Variants in EDIL3 observed in about 807,000 individuals in gnomAD.
EDIL3 encodes EGF-like repeat and discoidin I-like domain-containing protein 3.
Under a neutral mutation model 67.4 loss-of-function variants are expected in EDIL3, and 37 were observed. That is an observed-to-expected ratio of 0.55 (90% CI 0.42 to 0.72). EDIL3 has a LOEUF of 0.72. Among genes scored for constraint, EDIL3 ranks in the 30% least tolerant of loss-of-function variants. The probability of loss-of-function intolerance (pLI) is 0.00; values close to 1 mark genes in which losing one functional copy is unlikely to be tolerated. For missense variants in EDIL3, 527 were observed against 586.3 expected, an observed-to-expected ratio of 0.90 and a Z score of 1.04; for synonymous variants, 195 against 196.3, an observed-to-expected ratio of 0.99 and a Z score of 0.05.
chr5:84,008,730 T>C (rs1213861107), intron 9 of EDIL3, among the ~76,000 whole-genome samples: 3 of 151,956 alleles, frequency 2.0e-5, no homozygotes, highest in African/African-American at 7.3e-5. Flanking sequence ...GGGAGGAAGG[T>C]TAAAAATAAG....
At chr5:83,981,943 A>C (rs1279092002) in intron 9 of EDIL3, among the ~76,000 whole-genome samples, 1 of 152,116 alleles carries the variant, frequency 6.6e-6, no homozygotes, top group Non-Finnish European at 1.5e-5. Flanking sequence ...TGGCAAAAAA[A>C]CATGAAATAA....
intron 1 of EDIL3, among the ~76,000 whole-genome samples, chr5:84,287,637 A>G (rs1745834158): frequency 6.6e-6 from 1 of 152,136 alleles, no homozygotes; most frequent in African/African-American, 2.4e-5. Flanking sequence ...TTACAAGATC[A>G]CAGGGGGAAA....
In EDIL3 at chr5:84,275,279, A is replaced by G. The variant is rs186697328; in HGVS notation, c.68-21067T>C. On this transcript the variant is annotated intron_variant, in intron 1 of 10. Transcript: ENST00000296591. ...AGTCAAGCCCCATACTATTTCTCCTATCTGCTAAGCCACAAATATGAGAGT... is the reference window on the plus strand; with the variant it reads ...AGTCAAGCCCCATACTATTTCTCCTGTCTGCTAAGCCACAAATATGAGAGT... Among the ~76,000 whole-genome samples, 91 of 152,334 alleles carry G rather than the reference A, an allele frequency of 6.0e-4. 1 individual carries two copies. The highest frequency in any genetic ancestry group is 1.0e-4 in the Non-Finnish European group (7 of 68,030).
At chr5:84,299,413 T>A (rs944758756) in intron 1 of EDIL3, among the ~76,000 whole-genome samples, 14 of 152,160 alleles carry the variant, frequency 9.2e-5, no homozygotes, top group African/African-American at 3.4e-4. Flanking sequence ...AGTATAAAAC[T>A]CTGAAAATGC....
intron 3 of EDIL3, among the ~76,000 whole-genome samples, chr5:84,220,972 T>A (rs1744330570): frequency 6.6e-6 from 1 of 152,152 alleles, no homozygotes; most frequent in African/African-American, 2.4e-5. Flanking sequence ...TGGAAAGGAA[T>A]AACAGAAACC....
intron 3 of EDIL3, among the ~76,000 whole-genome samples, chr5:84,193,921 A>G (rs954357453): frequency 6.6e-6 from 1 of 151,998 alleles, no homozygotes; most frequent in African/African-American, 2.4e-5. Context: ...GTTTTAGGAA[A>G]AACACATTTT....
intron 1 of EDIL3, among the ~76,000 whole-genome samples, chr5:84,266,462 T>G (rs1428141430): frequency 2.6e-5 from 4 of 152,220 alleles, no homozygotes; most frequent in Admixed American, 2.0e-4. Context: ...GGTTGAATTC[T>G]CTACACAGTT....
rs150230117 is a variant in EDIL3 at position 84,016,141 on chromosome 5, G to T, written c.1137+44159C>A. Among the ~76,000 whole-genome samples, 26 of 152,166 alleles carry T rather than the reference G, an allele frequency of 1.7e-4. No homozygotes were observed. In the East Asian group the frequency reaches 3.9e-3, roughly 23 times the overall value. Reference sequence around the variant, plus strand: ...TTCCATTTATAAATGAGAACATGTGGTACTTGGTTTTCTAGGGAACTACAT... The same window carrying T: ...TTCCATTTATAAATGAGAACATGTGTTACTTGGTTTTCTAGGGAACTACAT... On this transcript the variant is annotated intron_variant, in intron 9 of 10. Transcript: ENST00000296591.
chr5:84,018,543 C>T (rs1398373936), intron 9 of EDIL3, among the ~76,000 whole-genome samples: 1 of 152,138 alleles, frequency 6.6e-6, no homozygotes, highest in Non-Finnish European at 1.5e-5. Context: ...CAACCTTATT[C>T]TACTATCAAG....
intron 5 of EDIL3, among the ~76,000 whole-genome samples, chr5:84,121,848 T>G (rs577963626): frequency 1.3e-5 from 2 of 152,164 alleles, no homozygotes; most frequent in African/African-American, 4.8e-5. Flanking sequence ...TTAAATATAC[T>G]TTTAATGGGC....
At chr5:84,164,181 G>A (rs1748663690) in intron 4 of EDIL3, among the ~76,000 whole-genome samples, 1 of 151,922 alleles carries the variant, frequency 6.6e-6, no homozygotes, top group South Asian at 2.1e-4. Context: ...TACATATGAA[G>A]AGACGTAGAT....
At chr5:83,955,375 T>C (rs1050473896) in intron 10 of EDIL3, among the ~76,000 whole-genome samples, 5 of 151,470 alleles carry the variant, frequency 3.3e-5, no homozygotes, top group Non-Finnish European at 7.4e-5. Context: ...AATACTGCTA[T>C]GTAACATATT....
chr5:84,371,341 A>ATATGTGTG (rs1008172581), intron 1 of EDIL3, among the ~76,000 whole-genome samples: 9 of 129,694 alleles, frequency 6.9e-5, no homozygotes, highest in African/African-American at 2.5e-4. Flanking sequence ...ATATATATAT[A>ATATGTGTG]TGTGTGTGTG....
At chr5:84,359,011 T>C (rs1470331839) in intron 1 of EDIL3, among the ~76,000 whole-genome samples, 1 of 152,146 alleles carries the variant, frequency 6.6e-6, no homozygotes, top group Non-Finnish European at 1.5e-5. Context: ...CCTGGGCAAG[T>C]ACTTTTAAGG....
At chr5:84,253,261 T>G (rs1745067255) in intron 2 of EDIL3, among the ~76,000 whole-genome samples, 2 of 152,174 alleles carry the variant, frequency 1.3e-5, no homozygotes, top group African/African-American at 4.8e-5. Context: ...TGACAAAACA[T>G]GTTTGGTTTC....
chr5:84,287,612 G>A (rs1440709150), intron 1 of EDIL3, among the ~76,000 whole-genome samples: 1 of 152,108 alleles, frequency 6.6e-6, no homozygotes. Context: ...AAGGACACAT[G>A]CACAGGCCTG....
rs574359429 is a variant in EDIL3 at position 84,351,309 on chromosome 5, C to A, written c.67+32999G>T. On this transcript the variant is annotated intron_variant, in intron 1 of 10. Coordinates refer to ENST00000296591, the MANE Select transcript of EDIL3 (RefSeq NM_005711.5). ...TATTATCTGCTCCAAAATCTATATA[C>A]AAGCTTTGGCATTCTTTTAAGACCT... Among the ~76,000 whole-genome samples the A allele has an allele frequency of 1.8e-4, 27 of 152,206 alleles. No homozygotes were observed. The South Asian group carries it at 3.9e-3, about 22-fold the overall frequency.
intron 1 of EDIL3, among the ~76,000 whole-genome samples, chr5:84,273,688 T>C (rs778483429): frequency 6.6e-6 from 1 of 152,148 alleles, no homozygotes; most frequent in Non-Finnish European, 1.5e-5. Flanking sequence ...TCTATGCAAA[T>C]GTCCCTTTTA....
At chr5:83,953,915 T>A (rs138545591) in intron 10 of EDIL3, among the ~76,000 whole-genome samples, 69 of 151,948 alleles carry the variant, frequency 4.5e-4, no homozygotes, top group African/African-American at 1.7e-3. Flanking sequence ...CCAAAGGAAC[T>A]ACGTAAAAAT....
Sources: gnomAD v4.1 joint callset for allele counts (sites outside exome capture counted in the v4.1 genomes callset) on GRCh38, gnomAD v4.1.1 for gene constraint, MANE v1.5 for transcripts, NCBI Gene and HGNC (gene_info 2026-07-23, HGNC 2026-07-21) for gene names.